GTF3C1: variants seen among roughly 807,000 people sequenced by gnomAD.
The protein encoded by GTF3C1 is general transcription factor IIIC subunit 1.
In GTF3C1, 57 loss-of-function variants were observed where a neutral mutation model predicts 226.7. That is an observed-to-expected ratio of 0.25 (90% CI 0.20 to 0.31). The LOEUF (loss-of-function observed/expected upper bound fraction) is 0.31. Among genes scored for constraint, GTF3C1 ranks in the 10% least tolerant of loss-of-function variants. The pLI, the probability that GTF3C1 is intolerant of heterozygous loss-of-function variation, is 1.00. For synonymous variants in GTF3C1, 1,090 were observed against 1,084.8 expected (o/e 1.00, Z -0.09); for missense variants, 2,217 against 2,776.1 (o/e 0.80, Z 4.53).
At chr16:27,513,932 C>T (rs773318289) in intron 6 of GTF3C1, among the ~76,000 whole-genome samples, 30 of 152,200 alleles carry the variant, frequency 2.0e-4, no homozygotes, top group African/African-American at 7.0e-4. Flanking sequence ...GACTGAGGTC[C>T]GAGGAAAGTC....
Position 27,471,881 on chromosome 16 carries a change from C to T in GTF3C1, c.4393G>A (p.Val1465Met), listed in dbSNP as rs1429624703. The T allele has an allele frequency of 6.2e-7, 1 of 1,614,154 alleles. No individual in the cohort carries two copies. Among genetic ancestry groups the T allele is most frequent in the South Asian group, 1.1e-5 (1 of 91,078 alleles). The change falls in exon 30 of 37, where the codon GTG becomes ATG. Residue 1465 changes from valine to methionine, a missense_variant. By Grantham distance (21) the Val-to-Met change is conservative (BLOSUM62 1). Transcript: ENST00000356183. This position sits in a 1 kb window ranked among gnomAD's most constrained non-coding sequence, Gnocchi z 5.0. The stretch of plus-strand genomic sequence containing the variant: ...TTCTGGCACTCCATGAAGGCCTTCA[C>T]AAGAACGTGGTCCTTGTACTCCCGA... ...LYREYKDHVLVKAFMECQKRS... is the reference protein window; with the variant it reads ...LYREYKDHVLMKAFMECQKRS...
chr16:27,533,614 A>T (rs2088955143), intron 4 of GTF3C1, among the ~76,000 whole-genome samples: 1 of 152,218 alleles, frequency 6.6e-6, no homozygotes, highest in Non-Finnish European at 1.5e-5. Context: ...TTCTAGAGGC[A>T]ATGTATAGAC....
At chr16:27,503,894 G>A (rs979731699) in intron 10 of GTF3C1, among the ~76,000 whole-genome samples, 3 of 152,154 alleles carry the variant, frequency 2.0e-5, no homozygotes, top group Non-Finnish European at 4.4e-5. Flanking sequence ...GAGGTCACTC[G>A]GTGATGGTGT....
At chr16:27,486,555 C>A (rs1452810594) in intron 23 of GTF3C1, among the ~76,000 whole-genome samples, 1 of 152,112 alleles carries the variant, frequency 6.6e-6, no homozygotes, top group East Asian at 1.9e-4. Flanking sequence ...TCACCAGGCC[C>A]CCACGCTCCC....
chr16:27,492,595 G>A lies in GTF3C1; in HGVS notation c.2973+22C>T, dbSNP rs201679876. ...CCGTTTAACAATCAGAATTTCCTTC[G>A]TTTGGGCTTGAGGGACATTACCTGA... On this transcript the variant is annotated intron_variant, in intron 18 of 36. Transcript: ENST00000356183. The surrounding 1 kb of genome is among the most constrained non-coding windows in gnomAD (Gnocchi z 5.0). The A allele has an allele frequency of 2.3e-5, 36 of 1,558,012 alleles. No individual in the cohort carries two copies. The highest frequency in any genetic ancestry group is 2.0e-4 in the East Asian group (9 of 44,630).
intron 7 of GTF3C1, 40 bp downstream of exon 7, chr16:27,511,709 T>A (rs2088572774): frequency 6.2e-7 from 1 of 1,606,606 alleles, no homozygotes; most frequent in Non-Finnish European, 8.5e-7. Context: ...ACTCAAATTC[T>A]CGGGATCCAT....
chr16:27,504,837 A>C (rs1318380938), intron 10 of GTF3C1, among the ~76,000 whole-genome samples: 1 of 152,216 alleles, frequency 6.6e-6, no homozygotes, highest in African/African-American at 2.4e-5. Flanking sequence ...AGGCTGAAGC[A>C]GGAGGATCAC....
intron 29 of GTF3C1, among the ~76,000 whole-genome samples, 153 bp downstream of exon 29, chr16:27,476,298 G>A (rs1469104495): frequency 2.0e-5 from 3 of 152,186 alleles, no homozygotes; most frequent in Non-Finnish European, 4.4e-5. Context: ...ATAAAACAAC[G>A]ATAAAAAAAT....
In GTF3C1 at chr16:27,492,418, C is replaced by T. The variant is rs769657691; in HGVS notation, c.3071G>A (p.Arg1024His). The part of the protein sequence containing the change: ...LARSSRPFER[R>H]LYVLNSMQDV... ...CTGCATTGAGTTCAGGACATAGAGG[C>T]GCCTCTCGAAGGGCCGGCTGCTGCG... The change falls in exon 19 of 37, where the codon CGC becomes CAC. Residue 1024 changes from arginine to histidine, a missense_variant. Physicochemically the swap from Arg to His is conservative, Grantham distance 29. Around this residue, in one of 12 missense-constraint regions of GTF3C1, gnomAD observed 353 missense variants for 411.7 expected, o/e 0.86. Coordinates refer to ENST00000356183, the MANE Select transcript of GTF3C1 (RefSeq NM_001520.4). The surrounding 1 kb of genome is among the most constrained non-coding windows in gnomAD (Gnocchi z 5.0). The T allele has an allele frequency of 1.3e-5, 21 of 1,611,110 alleles. No individual in the cohort carries two copies. In the South Asian group the frequency reaches 1.9e-4, roughly 14 times the overall value.
rs777871613 is a variant in GTF3C1, at chr16:27,462,422, G to A, written c.5989C>T (p.Pro1997Ser). The A allele has an allele frequency of 8.3e-5, 134 of 1,613,320 alleles. 1 individual carries two copies. In the South Asian group the frequency reaches 1.5e-3, roughly 18 times the overall value. ...GCCTCCATCATACCCTTGCATACAG[G>A]AAGGTTCAGGTGGCCATCCACGACA... is the stretch of plus-strand genomic sequence containing the variant. Reference protein sequence around the residue: ...WRVVDGHLNLPVCKGMMEAML... With the variant: ...WRVVDGHLNLSVCKGMMEAML... Residue 1997 changes from proline (P) to serine (S), a missense_variant, in exon 36 of 37, where the codon CCT (proline) becomes TCT (serine). This residue lies in a region of GTF3C1 where 153 missense variants were observed against 199.8 expected (regional missense o/e 0.77). Transcript: ENST00000356183. This position sits in a 1 kb window ranked among gnomAD's most constrained non-coding sequence, Gnocchi z 4.5.
chr16:27,549,382 T>G (rs1386881677), intron 1 of GTF3C1, among the ~76,000 whole-genome samples: 1 of 152,148 alleles, frequency 6.6e-6, no homozygotes, highest in Non-Finnish European at 1.5e-5. Context: ...AACATTCTTT[T>G]AAGCCTGAAG....
In GTF3C1 at chr16:27,484,194, G is replaced by C; in HGVS notation, c.4001+17C>G. On this transcript the variant is annotated intron_variant, in intron 25 of 36. Coordinates refer to ENST00000356183, the MANE Select transcript of GTF3C1 (RefSeq NM_001520.4). ...CGTAACCGTGTCCCGGAGTGACGGG[G>C]CTTCAATGAGGCTTACTTATAGTTG... The C allele has an allele frequency of 1.3e-6, 2 of 1,574,260 alleles. No homozygotes were observed. Among genetic ancestry groups the C allele is most frequent in the Non-Finnish European group, 1.7e-6 (2 of 1,143,942 alleles).
chr16:27,534,701 G>A (rs1054998926), intron 4 of GTF3C1, among the ~76,000 whole-genome samples: 3 of 152,226 alleles, frequency 2.0e-5, no homozygotes, highest in Admixed American at 2.0e-4. Context: ...ATACACAAGT[G>A]AAGAGTTTGG....
chr16:27,538,386 A>G (rs936873180), intron 2 of GTF3C1, 30 bp from the exon 3 acceptor site: 2 of 1,407,650 alleles, frequency 1.4e-6, no homozygotes, highest in South Asian at 1.4e-5. Context: ...GCATGAAGAA[A>G]TAAGTTTAAC....
At chr16:27,525,915 C>T (rs2088827497) in intron 6 of GTF3C1, among the ~76,000 whole-genome samples, 1 of 150,304 alleles carries the variant, frequency 6.7e-6, no homozygotes, top group Admixed American at 6.7e-5. Context: ...TTTTCAGTTT[C>T]TTCTGCTCCC....
At chr16:27,508,511 G>T in intron 8 of GTF3C1, 29 bp downstream of exon 8, 1 of 1,489,126 alleles carries the variant, frequency 6.7e-7, no homozygotes, top group Non-Finnish European at 9.4e-7. Context: ...CAAAGACAAC[G>T]AGTGTTGGGG....
rs1489080865 is a variant in GTF3C1, at chr16:27,460,879, G to A, written c.*471C>T. On this transcript the variant is annotated 3_prime_UTR_variant, in exon 37 of 37. Transcript: ENST00000356183. ...TTCAGTCCCAGCCAGGGGTTGGGATGTCCTGCCTGCGGAGGGGCCACAGCC... is the reference window on the plus strand; with the variant it reads ...TTCAGTCCCAGCCAGGGGTTGGGATATCCTGCCTGCGGAGGGGCCACAGCC... 1 of 154,772 alleles carries A rather than the reference G, an allele frequency of 6.5e-6. No individual in the cohort carries two copies. Among genetic ancestry groups the A allele is most frequent in the East Asian group, 1.9e-4 (1 of 5,300 alleles). The allele number at this position is 154,772 out of a possible 1,614,324, so 9.6% of individuals were successfully genotyped here.
chr16:27,520,699 A>G (rs1227393428), intron 6 of GTF3C1, among the ~76,000 whole-genome samples: 1 of 152,182 alleles, frequency 6.6e-6, no homozygotes, highest in Non-Finnish European at 1.5e-5. Context: ...CTGAGTTAGT[A>G]GCTGACTTGA....
In GTF3C1 at chr16:27,471,741, T is replaced by A; in HGVS notation, c.4526+7A>T. On this transcript the variant is annotated splice_region_variant and intron_variant, in intron 30 of 36. Transcript: ENST00000356183. The surrounding 1 kb of genome is among the most constrained non-coding windows in gnomAD (Gnocchi z 5.0). ...CGGAGTACCCAAGGCTCCTGACAGGTACTCACCTGTAGTAGGTCTGGGATA... is the reference window on the plus strand; with the variant it reads ...CGGAGTACCCAAGGCTCCTGACAGGAACTCACCTGTAGTAGGTCTGGGATA... 6.2e-7 allele frequency: 1 copy of A among 1,610,758 alleles called. No individual in the cohort carries two copies. The highest frequency in any genetic ancestry group is 1.3e-5 in the African/African-American group (1 of 74,950).
Sources: allele counts gnomAD v4.1 joint callset (sites outside exome capture counted in the v4.1 genomes callset), GRCh38; gene constraint gnomAD v4.1.1; regional missense constraint gnomAD v4.1.1; non-coding constraint Gnocchi (gnomAD v3.1); transcripts MANE v1.5; gene names NCBI Gene and HGNC (gene_info 2026-07-23, HGNC 2026-07-21).